Variants in IGSF21 observed in about 807,000 individuals in gnomAD.
IGSF21 encodes the protein immunoglobin superfamily member 21.
Under a neutral mutation model 46.8 loss-of-function variants are expected in IGSF21, and 28 were observed. The ratio of observed to expected loss-of-function variants is 0.60; its 90% CI spans 0.44 to 0.82. The LOEUF (loss-of-function observed/expected upper bound fraction) is 0.82, where lower values mean the gene tolerates loss of function less well. Among genes scored for constraint, IGSF21 ranks in the 40% least tolerant of loss-of-function variants. IGSF21 has a pLI of 0.00. For missense variants in IGSF21, 624 were observed against 665.5 expected (o/e 0.94, Z 0.69); for synonymous variants, 284 against 273.6 (o/e 1.04, Z -0.38).
intron 1 of IGSF21, among the ~76,000 whole-genome samples, chr1:18,144,321 C>A (rs1201613381): frequency 1.3e-5 from 2 of 152,130 alleles, no homozygotes; most frequent in African/African-American, 2.4e-5. Context: ...GACCTCCATG[C>A]CCCGCTGCCC....
At chr1:18,281,599 G>GAC (rs941035747) in intron 2 of IGSF21, among the ~76,000 whole-genome samples, 2 of 150,404 alleles carry the variant, frequency 1.3e-5, no homozygotes, top group Non-Finnish European at 2.9e-5. Context: ...CTGTCATGGA[G>GAC]ACACAGGTGG....
chr1:18,121,212 G>A (rs2086231241), intron 1 of IGSF21, among the ~76,000 whole-genome samples: 1 of 152,164 alleles, frequency 6.6e-6, no homozygotes, highest in Admixed American at 6.5e-5. Flanking sequence ...GAGTAACTTA[G>A]CACTTTGGAC....
intron 1 of IGSF21, among the ~76,000 whole-genome samples, chr1:18,186,636 C>T (rs2086905306): frequency 1.3e-5 from 2 of 152,182 alleles, no homozygotes; most frequent in Admixed American, 1.3e-4. Context: ...ATTTAAAAAA[C>T]ACTCATCTGA....
chr1:18,292,028 C>A (rs747316914), intron 3 of IGSF21, 41 bp downstream of exon 3: 2 of 1,491,964 alleles, frequency 1.3e-6, no homozygotes, highest in South Asian at 1.1e-5. Context: ...GGGGGAAGGG[C>A]GGAGGGATGG....
chr1:18,355,286 A>T (rs2086003461), intron 4 of IGSF21, among the ~76,000 whole-genome samples: 1 of 152,228 alleles, frequency 6.6e-6, no homozygotes, highest in Non-Finnish European at 1.5e-5. Flanking sequence ...GGAATGATTT[A>T]CAGAGCAAAG....
At chr1:18,259,629 G>C (rs2084928242) in intron 2 of IGSF21, among the ~76,000 whole-genome samples, 1 of 152,174 alleles carries the variant, frequency 6.6e-6, no homozygotes, top group Non-Finnish European at 1.5e-5. Flanking sequence ...TTTATATAAA[G>C]AAGAGAGAGA....
intron 1 of IGSF21, among the ~76,000 whole-genome samples, chr1:18,171,481 G>T (rs1396644778): frequency 6.6e-6 from 1 of 152,178 alleles, no homozygotes; most frequent in Non-Finnish European, 1.5e-5. Context: ...TGAGGAAGGG[G>T]TGTAGCAGAG....
intron 1 of IGSF21, chr1:18,114,669 C>T (rs1246433445): frequency 6.6e-6 from 1 of 152,248 alleles, no homozygotes; most frequent in Non-Finnish European, 1.5e-5. Context: ...CTTCCACGCC[C>T]ATTATTCCAT....
At chr1:18,353,276 TCTTCGGGTCTCTG>T (rs1336462809) in intron 4 of IGSF21, among the ~76,000 whole-genome samples, 1 of 152,132 alleles carries the variant, frequency 6.6e-6, no homozygotes, top group East Asian at 1.9e-4. Flanking sequence ...GGGATCTGTC[TCTTCGGGTCTCTG>T]CTGGGAGAGA....
rs538117555 is a variant in IGSF21, at chr1:18,365,485, C to T, written c.803C>T (p.Thr268Met). 1.7e-5 allele frequency: 28 copies of T among 1,614,078 alleles called. No homozygotes were observed. The highest frequency in any genetic ancestry group is 1.6e-4 in the East Asian group (7 of 44,854). ...CCAACCACAGAGAACATACCAGAGA[C>T]GGTCGTGAGCCGTGAGTTTCCCCGC... is the stretch of plus-strand genomic sequence containing the variant. Reference protein sequence around the residue: ...LQPTTENIPETVVSREFPRWV... With the variant: ...LQPTTENIPEMVVSREFPRWV... Residue 268 changes from threonine to methionine, a missense_variant, in exon 6 of 10, where the codon ACG becomes ATG. Coordinates refer to ENST00000251296, the MANE Select transcript of IGSF21 (RefSeq NM_032880.5). The surrounding 1 kb of genome is among the most constrained non-coding windows in gnomAD (Gnocchi z 4.8).
chr1:18,135,369 T>C (rs1417388935), intron 1 of IGSF21, among the ~76,000 whole-genome samples: 1 of 152,018 alleles, frequency 6.6e-6, no homozygotes, highest in East Asian at 1.9e-4. Context: ...CACTAACTTG[T>C]CATTTAGCAT....
At position 18,322,271 on chromosome 1, in the gene IGSF21, G is replaced by A. The variant is rs1355206124; in HGVS notation, c.306-12621G>A. Reference sequence around the variant, plus strand: ...CTGATGCTGACCTTGCCCACAGTAGGGGCACAGCCATGTTCATTGAAAAAA... The same window carrying A: ...CTGATGCTGACCTTGCCCACAGTAGAGGCACAGCCATGTTCATTGAAAAAA... On this transcript the variant is annotated intron_variant, in intron 3 of 9. Transcript: ENST00000251296. This position sits in a 1 kb window ranked among gnomAD's most constrained non-coding sequence, Gnocchi z 4.3. Among the ~76,000 whole-genome samples, 1 of 151,878 alleles carries A rather than the reference G, an allele frequency of 6.6e-6. No homozygotes were observed. Among genetic ancestry groups the A allele is most frequent in the African/African-American group, 2.4e-5 (1 of 41,268 alleles).
chr1:18,285,746 C>A (rs1360175749), intron 2 of IGSF21, among the ~76,000 whole-genome samples: 1 of 152,176 alleles, frequency 6.6e-6, no homozygotes, highest in Non-Finnish European at 1.5e-5. Flanking sequence ...TTGCAGTCCA[C>A]CCACCCTGAC....
chr1:18,285,189 C>CTTTTTT (rs11346536), intron 2 of IGSF21, among the ~76,000 whole-genome samples: 2 of 140,548 alleles, frequency 1.4e-5, no homozygotes. Flanking sequence ...TTCCCCTTTT[C>CTTTTTT]TTTTTTTTTT....
chr1:18,161,253 C>T (rs2086619480), intron 1 of IGSF21, among the ~76,000 whole-genome samples: 1 of 152,150 alleles, frequency 6.6e-6, no homozygotes, highest in Admixed American at 6.5e-5. Flanking sequence ...AAGGGAAAGC[C>T]AGCATTCACA....
At chr1:18,239,254 AG>A (rs377173691) in intron 2 of IGSF21, among the ~76,000 whole-genome samples, 2 of 151,958 alleles carry the variant, frequency 1.3e-5, no homozygotes, top group African/African-American at 2.4e-5. Flanking sequence ...ACCAGTGAAA[AG>A]AAAAGAACAT....
chr1:18,160,140 G>C (rs2086604571), intron 1 of IGSF21, among the ~76,000 whole-genome samples: 1 of 152,142 alleles, frequency 6.6e-6, no homozygotes, highest in African/African-American at 2.4e-5. Context: ...GGCCAGGCTA[G>C]GGGGAGAGAA....
At chr1:18,355,401 T>G (rs942256335) in intron 4 of IGSF21, among the ~76,000 whole-genome samples, 2 of 152,204 alleles carry the variant, frequency 1.3e-5, no homozygotes, top group African/African-American at 2.4e-5. Flanking sequence ...ATAAAACCGA[T>G]CATCCAACCA....
chr1:18,294,619 G>A (rs945250221), intron 3 of IGSF21, among the ~76,000 whole-genome samples: 2 of 152,210 alleles, frequency 1.3e-5, no homozygotes, highest in African/African-American at 2.4e-5. Context: ...GTCACACAGC[G>A]GCCCTGACTT....
Sources: allele counts gnomAD v4.1 joint callset (sites outside exome capture counted in the v4.1 genomes callset), GRCh38; gene constraint gnomAD v4.1.1; non-coding constraint Gnocchi (gnomAD v3.1); transcripts MANE v1.5; gene names NCBI Gene and HGNC (gene_info 2026-07-23, HGNC 2026-07-21).